NRIP1: variants seen among roughly 807,000 people sequenced by gnomAD.
NRIP1 encodes nuclear receptor interacting protein 1.
NRIP1 carries 28 observed loss-of-function variants against 75.0 expected under a neutral mutation model. That is an observed-to-expected ratio of 0.37 (90% CI 0.28 to 0.51). The LOEUF (loss-of-function observed/expected upper bound fraction) is 0.51, where lower values mean the gene tolerates loss of function less well. NRIP1 is among the 20% of genes least tolerant of loss of function. The probability of loss-of-function intolerance (pLI) is 0.92; values close to 1 mark genes in which losing one functional copy is unlikely to be tolerated. For synonymous variants in NRIP1, 526 were observed against 487.6 expected, an observed-to-expected ratio of 1.08 and a Z score of -1.04; for missense variants, 1,435 against 1,343.7, an observed-to-expected ratio of 1.07 and a Z score of -1.06.
Position 14,965,642 on chromosome 21 carries a change from T to G in NRIP1, c.2551A>C (p.Asn851His), listed in dbSNP as rs143359165. ...CTTTTCTTAGGGACCATGCAAAGATTCTTTGATTCTAGAAGTGCCATTTCA... is the reference window on the plus strand; with the variant it reads ...CTTTTCTTAGGGACCATGCAAAGATGCTTTGATTCTAGAAGTGCCATTTCA... ...NNEMALLESKNLCMVPKKRKL... is the reference protein window; with the variant it reads ...NNEMALLESKHLCMVPKKRKL... Residue 851 changes from asparagine to histidine, a missense_variant, in exon 4 of 4, where the codon AAT becomes CAT. By Grantham distance (68) the Asn-to-His change is moderately conservative. Transcript: ENST00000318948. 7.4e-6 allele frequency: 12 copies of G among 1,613,250 alleles called. No homozygotes were observed. The highest frequency in any genetic ancestry group is 3.3e-4 in the Middle Eastern group (2 of 6,058).
At chr21:14,995,037 G>T (rs1370557856) in intron 3 of NRIP1, among the ~76,000 whole-genome samples, 1 of 152,112 alleles carries the variant, frequency 6.6e-6, no homozygotes, top group Non-Finnish European at 1.5e-5. Context: ...AACCCAAAGG[G>T]TAATAATTAT....
chr21:15,028,942 C>T (rs1272100259), intron 2 of NRIP1, among the ~76,000 whole-genome samples: 3 of 151,958 alleles, frequency 2.0e-5, no homozygotes, highest in Non-Finnish European at 4.4e-5. Context: ...CCCTGTTATT[C>T]CTAATCTCAG....
At chr21:15,055,065 T>C (rs553552877) in intron 1 of NRIP1, among the ~76,000 whole-genome samples, 1 of 152,280 alleles carries the variant, frequency 6.6e-6, no homozygotes, top group Admixed American at 6.5e-5. Context: ...CTTGCTCTCT[T>C]TTCTAGGGGT....
At chr21:14,995,232 G>A in intron 3 of NRIP1, among the ~76,000 whole-genome samples, 1 of 125,560 alleles carries the variant, frequency 8.0e-6, no homozygotes, top group East Asian at 3.2e-4. Flanking sequence ...CCTAGAGACT[G>A]TCATTTGCTT....
chr21:15,058,469 T>A (rs2089352984), intron 1 of NRIP1, among the ~76,000 whole-genome samples: 1 of 152,318 alleles, frequency 6.6e-6, no homozygotes, highest in East Asian at 1.9e-4. Flanking sequence ...TTATAGATTA[T>A]TATAATATAA....
intron 3 of NRIP1, among the ~76,000 whole-genome samples, chr21:15,008,338 C>A (rs914759149): frequency 2.0e-5 from 3 of 151,944 alleles, no homozygotes; most frequent in African/African-American, 7.3e-5. Context: ...AATAACACAT[C>A]AACTTCATTT....
intron 2 of NRIP1, among the ~76,000 whole-genome samples, chr21:15,031,867 A>G (rs1037700869): frequency 8.3e-4 from 125 of 150,512 alleles, no homozygotes; most frequent in Non-Finnish European, 1.3e-3. Flanking sequence ...TTCCCTTTCT[A>G]TGTGTATACA....
chr21:15,012,316 A>G (rs1320320709), intron 3 of NRIP1, among the ~76,000 whole-genome samples: 1 of 152,216 alleles, frequency 6.6e-6, no homozygotes, highest in Non-Finnish European at 1.5e-5. Context: ...TAGAAAAAAC[A>G]CATTTGACAT....
chr21:15,036,448 T>C (rs997725064), intron 2 of NRIP1, among the ~76,000 whole-genome samples: 11 of 152,246 alleles, frequency 7.2e-5, no homozygotes, highest in African/African-American at 2.7e-4. Context: ...GTTCAGGGTC[T>C]ATGTATGATT....
At chr21:15,001,782 C>A (rs1043489833) in intron 3 of NRIP1, among the ~76,000 whole-genome samples, 1 of 152,138 alleles carries the variant, frequency 6.6e-6, no homozygotes, top group African/African-American at 2.4e-5. Context: ...ATATAATGTA[C>A]TGAAGATAAT....
In NRIP1 at chr21:14,965,434, T is replaced by A. The variant is rs375167516; in HGVS notation, c.2759A>T (p.Glu920Val). The change falls in exon 4 of 4, where the codon GAA becomes GTA. Residue 920 changes from glutamate to valine, a missense_variant. Physicochemically the swap from Glu to Val is moderately radical, Grantham distance 121 (BLOSUM62 -2). Coordinates refer to ENST00000318948, the MANE Select transcript of NRIP1 (RefSeq NM_003489.4). ...KYPAGHGSASESEHRSWARES... is the reference protein window; with the variant it reads ...KYPAGHGSASVSEHRSWARES... ...TCTGGCCCAACTCCTGTGTTCACTT[T>A]CGCTGGCTGAGCCATGACCAGCAGG... 14 of 1,613,854 alleles carry A rather than the reference T, an allele frequency of 8.7e-6. No homozygotes were observed. In the African/African-American group the frequency reaches 1.9e-4, roughly 22 times the overall value.
chr21:15,007,545 T>TA (rs2088001355), intron 3 of NRIP1, among the ~76,000 whole-genome samples: 1 of 152,206 alleles, frequency 6.6e-6, no homozygotes, highest in Non-Finnish European at 1.5e-5. Flanking sequence ...AGGGGTGCTT[T>TA]AAAGAGGCAG....
intron 3 of NRIP1, 26 bp from the exon 4 acceptor site, chr21:14,968,552 T>G (rs1000395963): frequency 3.2e-5 from 6 of 189,290 alleles, no homozygotes; most frequent in Admixed American, 1.6e-4. Context: ...ATAAGAATAG[T>G]TAAGGAGGCA....
chr21:15,033,616 GTTA>G (rs1363907761), intron 2 of NRIP1, among the ~76,000 whole-genome samples: 5 of 152,294 alleles, frequency 3.3e-5, no homozygotes, highest in African/African-American at 1.2e-4. Flanking sequence ...TATCGAGTGG[GTTA>G]TTGTCAGTTA....
chr21:15,001,131 T>G (rs1278756747), intron 3 of NRIP1, among the ~76,000 whole-genome samples: 2 of 152,184 alleles, frequency 1.3e-5, no homozygotes, highest in Non-Finnish European at 2.9e-5. Context: ...AAATGTAATC[T>G]AAAAAATGTA....
Position 14,965,784 on chromosome 21 carries a change from C to T in NRIP1, c.2409G>A (p.Ser803=), listed in dbSNP as rs561247540. ...PALPVSEDFK[S]EPVSPQDFSF... is the part of the protein sequence containing the mutation. Reference sequence around the variant, plus strand: ...AAAAATCCTGAGGTGAAACAGGCTCCGATTTAAAGTCTTCGGACACTGGTA... The same window carrying T: ...AAAAATCCTGAGGTGAAACAGGCTCTGATTTAAAGTCTTCGGACACTGGTA... The change falls in exon 4 of 4, where the codon TCG becomes TCA. Residue 803 remains serine, a synonymous_variant. Transcript: ENST00000318948. 36 of 1,613,892 alleles carry T rather than the reference C, an allele frequency of 2.2e-5. No homozygotes were observed. Among genetic ancestry groups the T allele is most frequent in the Admixed American group, 5.0e-5 (3 of 59,962 alleles).
At position 14,963,621 on chromosome 21, in the gene NRIP1, T is replaced by C. The variant is rs2086647096; in HGVS notation, c.*1095A>G. The C allele has an allele frequency of 6.6e-6, 1 of 152,182 alleles. No homozygotes were observed. Among genetic ancestry groups the C allele is most frequent in the Non-Finnish European group, 1.5e-5 (1 of 67,986 alleles). 9.4% of individuals were successfully genotyped at this position (152,182 alleles called of 1,614,324 possible). ...TCTGAGGAAAGTCATAAGTCATGGT[T>C]CTCAAACACAAGAAACACCTAGAGA... On this transcript the variant is annotated 3_prime_UTR_variant, in exon 4 of 4. Transcript: ENST00000318948.
At chr21:15,062,015 T>C (rs1185567735) in intron 1 of NRIP1, among the ~76,000 whole-genome samples, 1 of 152,238 alleles carries the variant, frequency 6.6e-6, no homozygotes, top group Non-Finnish European at 1.5e-5. Context: ...TTAGTTGTCC[T>C]CAATGTTCTA....
intron 2 of NRIP1, among the ~76,000 whole-genome samples, chr21:15,035,296 G>A (rs2088806686): frequency 6.6e-6 from 1 of 151,988 alleles, no homozygotes; most frequent in Non-Finnish European, 1.5e-5. Flanking sequence ...TCAAATAAAT[G>A]TTTTCTTTTA....
Sources: gnomAD v4.1 joint callset for allele counts (sites outside exome capture counted in the v4.1 genomes callset) on GRCh38, gnomAD v4.1.1 for gene constraint, MANE v1.5 for transcripts, NCBI Gene and HGNC (gene_info 2026-07-23, HGNC 2026-07-21) for gene names.